The following SNX29 variants were observed in gnomAD, a reference collection of about 807,000 sequenced individuals.
SNX29 encodes sorting nexin-29.
In SNX29, 78 loss-of-function variants were observed where a neutral mutation model predicts 102.1. The ratio of observed to expected loss-of-function variants is 0.76; its 90% CI spans 0.64 to 0.92. SNX29 has a LOEUF of 0.92. Among genes scored for constraint, SNX29 ranks in the 40% least tolerant of loss-of-function variants. The pLI is 0.00. For synonymous variants in SNX29, 580 were observed against 414.5 expected (o/e 1.40, Z -4.85); for missense variants, 1,280 against 1,061.7 (o/e 1.21, Z -2.86).
chr16:12,469,241 T>C (rs1258423763), intron 18 of SNX29, among the ~76,000 whole-genome samples: 1 of 152,248 alleles, frequency 6.6e-6, no homozygotes, highest in African/African-American at 2.4e-5. Flanking sequence ...GGCCAAGTTA[T>C]TCATCTTATT....
chr16:12,164,993 C>A (rs1169109958), intron 13 of SNX29, among the ~76,000 whole-genome samples: 2 of 152,102 alleles, frequency 1.3e-5, no homozygotes, highest in African/African-American at 4.8e-5. Context: ...CGGCCTTATT[C>A]ATGCCTTTTT....
At chr16:12,268,508 G>T in intron 14 of SNX29, among the ~76,000 whole-genome samples, 1 of 152,192 alleles carries the variant, frequency 6.6e-6, no homozygotes, top group Admixed American at 6.5e-5. Flanking sequence ...CTGTTAGGAA[G>T]ACCATTTCCT....
intron 15 of SNX29, among the ~76,000 whole-genome samples, chr16:12,303,727 A>C (rs916107998): frequency 6.6e-6 from 1 of 152,232 alleles, no homozygotes; most frequent in Admixed American, 6.5e-5. Context: ...CTATATGTAG[A>C]TATGCATTAG....
intron 19 of SNX29, among the ~76,000 whole-genome samples, chr16:12,522,494 C>G (rs548855934): frequency 6.6e-6 from 1 of 152,058 alleles, no homozygotes; most frequent in Admixed American, 6.6e-5. Context: ...AATCTCCTGT[C>G]GAATTGTAAT....
chr16:12,569,383 G>A lies in SNX29; in HGVS notation c.*754G>A, dbSNP rs2141577059. The stretch of plus-strand genomic sequence containing the variant: ...TTGGAGTGGGGGGACTCAGACATCT[G>A]GCCCAGCCATCAGCAGCAACCTAGT... On this transcript the variant is annotated 3_prime_UTR_variant, in exon 21 of 21. Transcript: ENST00000566228. The A allele has an allele frequency of 4.3e-6, 1 of 230,670 alleles. No homozygotes were observed. The highest frequency in any genetic ancestry group is 1.8e-4 in the South Asian group (1 of 5,494). The allele number at this position is 230,670 out of a possible 1,614,324, so 14.3% of individuals were successfully genotyped here.
At chr16:11,992,789 A>G (rs1227681121) in intron 1 of SNX29, among the ~76,000 whole-genome samples, 1 of 152,164 alleles carries the variant, frequency 6.6e-6, no homozygotes, top group East Asian at 1.9e-4. Flanking sequence ...TTAATGTGTT[A>G]CAAGGATCTC....
At chr16:12,028,995 T>G (rs2057268405) in intron 4 of SNX29, among the ~76,000 whole-genome samples, 1 of 152,130 alleles carries the variant, frequency 6.6e-6, no homozygotes, top group Non-Finnish European at 1.5e-5. Context: ...ATCTGCTCAC[T>G]TCGGCCTTCC....
chr16:12,406,251 T>C (rs1399576608), intron 18 of SNX29, among the ~76,000 whole-genome samples: 1 of 152,240 alleles, frequency 6.6e-6, no homozygotes, highest in Non-Finnish European at 1.5e-5. Flanking sequence ...TCCTGTGGGC[T>C]TCCTGGCAGC....
At chr16:12,361,047 G>A (rs1384295373) in intron 16 of SNX29, among the ~76,000 whole-genome samples, 1 of 152,242 alleles carries the variant, frequency 6.6e-6, no homozygotes. Context: ...CAAGGTTCCA[G>A]CATCCCTGCA....
chr16:12,501,650 A>G (rs9635496), intron 19 of SNX29, among the ~76,000 whole-genome samples: 20,774 of 144,158 alleles, frequency 0.14, 1,525 homozygotes, highest in East Asian at 0.27. Context: ...TGAACCCGAG[A>G]GGCAGAGGTT....
chr16:12,544,408 TTA>T (rs575331719), intron 20 of SNX29, among the ~76,000 whole-genome samples: 22 of 152,198 alleles, frequency 1.4e-4, no homozygotes, highest in Admixed American at 5.2e-4. Flanking sequence ...TGCTAAAACA[TTA>T]TGTCAGCTGG....
At chr16:12,353,875 G>T (rs1337205215) in intron 15 of SNX29, among the ~76,000 whole-genome samples, 1 of 152,218 alleles carries the variant, frequency 6.6e-6, no homozygotes, top group Non-Finnish European at 1.5e-5. Context: ...ATGTTACTTT[G>T]GGAAGATCAT....
intron 16 of SNX29, among the ~76,000 whole-genome samples, chr16:12,394,006 T>C (rs1016677901): frequency 3.9e-5 from 6 of 152,258 alleles, no homozygotes; most frequent in African/African-American, 1.4e-4. Context: ...TGAGAGCTTA[T>C]GTACTTGGCT....
chr16:12,035,336 C>G (rs2057445405), intron 4 of SNX29, among the ~76,000 whole-genome samples: 1 of 151,944 alleles, frequency 6.6e-6, no homozygotes, highest in South Asian at 2.1e-4. Flanking sequence ...TTCGGCCTCT[C>G]AAGTAGCTGG....
chr16:12,203,560 C>G (rs1197620236), intron 14 of SNX29, among the ~76,000 whole-genome samples: 4 of 151,510 alleles, frequency 2.6e-5, no homozygotes, highest in African/African-American at 9.7e-5. Context: ...GGTGACGTCT[C>G]TGAAGTTGTG....
intron 20 of SNX29, among the ~76,000 whole-genome samples, chr16:12,525,793 C>T (rs76293390): frequency 1.3e-5 from 2 of 149,346 alleles, no homozygotes; most frequent in African/African-American, 2.5e-5. Context: ...AATCTTGGCT[C>T]GAAATGTCAT....
At chr16:11,995,128 C>T (rs2056012040) in intron 1 of SNX29, among the ~76,000 whole-genome samples, 1 of 152,202 alleles carries the variant, frequency 6.6e-6, no homozygotes, top group Admixed American at 6.6e-5. Context: ...TGCATTGGTG[C>T]AATCTTGGCT....
chr16:12,393,539 A>C (rs184158254), intron 16 of SNX29, among the ~76,000 whole-genome samples: 1 of 151,602 alleles, frequency 6.6e-6, no homozygotes, highest in East Asian at 1.9e-4. Context: ...CTGAGCTCAC[A>C]AGGAGGGTTC....
At chr16:12,499,877 A>C (rs117484117) in intron 19 of SNX29, among the ~76,000 whole-genome samples, 1 of 152,056 alleles carries the variant, frequency 6.6e-6, no homozygotes, top group African/African-American at 2.4e-5. Flanking sequence ...GGGCTTTGCT[A>C]TGTTGCCCAG....
Sources: allele counts gnomAD v4.1 joint callset (sites outside exome capture counted in the v4.1 genomes callset), GRCh38; gene constraint gnomAD v4.1.1; transcripts MANE v1.5; gene names NCBI Gene and HGNC (gene_info 2026-07-23, HGNC 2026-07-21).